Variants in HEATR5B observed in about 807,000 individuals in gnomAD.
HEATR5B encodes the protein HEAT repeat containing 5B.
A neutral mutation model predicts 224.1 loss-of-function variants in HEATR5B; 156 were observed. The ratio of observed to expected loss-of-function variants is 0.70; its 90% confidence interval spans 0.61 to 0.80. HEATR5B has a LOEUF of 0.80. HEATR5B is among the 30% of genes least tolerant of loss of function. The probability of loss-of-function intolerance (pLI) is 0.00; values close to 1 mark genes in which losing one functional copy is unlikely to be tolerated. For synonymous variants in HEATR5B, 1,027 were observed against 893.0 expected (o/e 1.15, Z -2.68); for missense variants, 2,323 against 2,535.5 (o/e 0.92, Z 1.80).
chr2:36,996,668 C>T (rs532895102), intron 33 of HEATR5B, among the ~76,000 whole-genome samples: 4 of 152,032 alleles, frequency 2.6e-5, no homozygotes, highest in South Asian at 2.1e-4. Flanking sequence ...TTCGGCTCAC[C>T]GCAGCCTCTG....
At chr2:36,983,688 A>G (rs951425481) in intron 35 of HEATR5B, among the ~76,000 whole-genome samples, 1 of 152,062 alleles carries the variant, frequency 6.6e-6, no homozygotes, top group Non-Finnish European at 1.5e-5. Context: ...AGATCGTGCC[A>G]TTGCACTCCA....
At chr2:37,032,851 T>C in intron 21 of HEATR5B, 78 bp from the exon 22 acceptor site, 2 of 1,176,600 alleles carry the variant, frequency 1.7e-6, no homozygotes, top group Non-Finnish European at 2.4e-6. Flanking sequence ...AATGAATATA[T>C]ATATACATAC....
chr2:37,084,211 A>T, intron 1 of HEATR5B, 58 bp downstream of exon 1: 2 of 353,962 alleles, frequency 5.7e-6, no homozygotes. Context: ...CACCCGTCTG[A>T]AAATGTACGT....
intron 33 of HEATR5B, among the ~76,000 whole-genome samples, chr2:36,996,541 C>A (rs1666724916): frequency 6.7e-6 from 1 of 150,142 alleles, no homozygotes; most frequent in South Asian, 2.1e-4. Flanking sequence ...CTTGGCCTCC[C>A]AAGTAGATGG....
At chr2:36,984,237 T>TAAATATATATATATATATATATAA (rs1665800739) in intron 35 of HEATR5B, among the ~76,000 whole-genome samples, 1 of 112,040 alleles carries the variant, frequency 8.9e-6, no homozygotes, top group Non-Finnish European at 1.9e-5. Flanking sequence ...TATATATATA[T>TAAATATATATATATATATATATAA]AAAACTGGAA....
intron 34 of HEATR5B, among the ~76,000 whole-genome samples, chr2:36,989,852 T>G (rs1257230196): frequency 6.6e-6 from 1 of 150,572 alleles, no homozygotes; most frequent in Non-Finnish European, 1.5e-5. Flanking sequence ...GCCACCTATC[T>G]GGAGACTCAG....
chr2:37,002,283 C>G (rs768619160), intron 32 of HEATR5B, 23 bp downstream of exon 32: 39 of 1,613,462 alleles, frequency 2.4e-5, no homozygotes, highest in Non-Finnish European at 2.5e-5. Flanking sequence ...TAATGCATTT[C>G]CAAATACTGA....
chr2:37,072,353 G>A, intron 5 of HEATR5B, 72 bp from the exon 6 acceptor site: 1 of 1,074,628 alleles, frequency 9.3e-7, no homozygotes, highest in Non-Finnish European at 1.4e-6. Flanking sequence ...GCAAGAACCA[G>A]ACTTACCACC....
chr2:37,009,034 T>C (rs1436593841), intron 27 of HEATR5B, among the ~76,000 whole-genome samples, 186 bp from the exon 28 acceptor site: 2 of 150,760 alleles, frequency 1.3e-5, no homozygotes, highest in Non-Finnish European at 3.0e-5. Flanking sequence ...CCAAGGCGGG[T>C]AGATCATGAG....
intron 10 of HEATR5B, 27 bp from the exon 11 acceptor site, chr2:37,062,077 T>C (rs773192824): frequency 1.5e-6 from 2 of 1,305,156 alleles, no homozygotes; most frequent in East Asian, 4.6e-5. Flanking sequence ...GAATTGGATT[T>C]TAATTCAAAC....
At chr2:37,072,044 T>A (rs1487921307) in intron 6 of HEATR5B, 66 bp downstream of exon 6, 21 of 1,275,074 alleles carry the variant, frequency 1.6e-5, no homozygotes, top group South Asian at 1.1e-4. Flanking sequence ...TCCATTACAC[T>A]GACTTGCCTA....
At chr2:37,040,942 G>C in intron 19 of HEATR5B, 191 bp downstream of exon 19, 2 of 532,734 alleles carry the variant, frequency 3.8e-6, no homozygotes, top group East Asian at 2.8e-5. Flanking sequence ...TATGTGAATG[G>C]GTAAAATTCT....
intron 8 of HEATR5B, among the ~76,000 whole-genome samples, chr2:37,066,195 G>C (rs1341972058): frequency 1.3e-5 from 2 of 152,182 alleles, no homozygotes; most frequent in Non-Finnish European, 2.9e-5. Flanking sequence ...TAAAAGCACA[G>C]ATACTGCAGA....
Position 37,075,638 on chromosome 2 carries a change from G to T in HEATR5B, c.448-4C>A. 1 of 1,608,058 alleles carries T rather than the reference G, an allele frequency of 6.2e-7. No individual in the cohort carries two copies. Among genetic ancestry groups the T allele is most frequent in the African/African-American group, 1.3e-5 (1 of 74,732 alleles). On this transcript the variant is annotated splice_polypyrimidine_tract_variant and splice_region_variant and intron_variant, in intron 4 of 35. Coordinates refer to ENST00000233099, the MANE Select transcript of HEATR5B (RefSeq NM_019024.3). ...AGATTTCACTTCGCCCTTGAGACTA[G>T]ACATGTATACAAAACAAAACTATTT...
chr2:36,989,646 G>A (rs1666185540), intron 34 of HEATR5B, among the ~76,000 whole-genome samples: 1 of 152,078 alleles, frequency 6.6e-6, no homozygotes, highest in African/African-American at 2.4e-5. Flanking sequence ...GCTCCACTTT[G>A]TATTAGAAAG....
At chr2:37,006,346 A>C (rs1345127803) in intron 29 of HEATR5B, among the ~76,000 whole-genome samples, 1 of 152,182 alleles carries the variant, frequency 6.6e-6, no homozygotes, top group Non-Finnish European at 1.5e-5. Flanking sequence ...AAATTCTTAA[A>C]TGTTAAAAAA....
intron 26 of HEATR5B, among the ~76,000 whole-genome samples, chr2:37,017,716 T>C (rs896299813): frequency 1.4e-5 from 2 of 145,806 alleles, no homozygotes; most frequent in Non-Finnish European, 3.0e-5. Context: ...AAAAAGAATC[T>C]GAAACTAGAA....
chr2:36,982,414 T>C (rs1482458797), intron 35 of HEATR5B, among the ~76,000 whole-genome samples: 1 of 152,214 alleles, frequency 6.6e-6, no homozygotes, highest in Non-Finnish European at 1.5e-5. Flanking sequence ...TAGTCTTTTG[T>C]CTTTACTTAT....
chr2:37,083,959 G>A (rs1248825084), intron 1 of HEATR5B, among the ~76,000 whole-genome samples: 2 of 152,190 alleles, frequency 1.3e-5, no homozygotes, highest in South Asian at 4.1e-4. Flanking sequence ...CAGGCCCGGC[G>A]GCCGAAGCGT....
Sources: gnomAD v4.1 joint callset for allele counts (sites outside exome capture counted in the v4.1 genomes callset) on GRCh38, gnomAD v4.1.1 for gene constraint, MANE v1.5 for transcripts, NCBI Gene and HGNC (gene_info 2026-07-23, HGNC 2026-07-21) for gene names.